The following CSF1R variants were observed in gnomAD, a reference collection of about 807,000 sequenced individuals.
The protein encoded by CSF1R is colony stimulating factor 1 receptor.
Under a neutral mutation model 110.0 loss-of-function variants are expected in CSF1R, and 40 were observed. The observed-to-expected ratio is 0.36, with a 90% confidence interval of 0.28 to 0.47. The LOEUF (loss-of-function observed/expected upper bound fraction) is 0.47. Ranked by LOEUF, CSF1R falls within the 20% of genes least tolerant of loss-of-function variation. The probability of loss-of-function intolerance (pLI) is 0.99; values close to 1 mark genes in which losing one functional copy is unlikely to be tolerated. For synonymous variants in CSF1R, 523 were observed against 503.4 expected, an observed-to-expected ratio of 1.04 and a Z score of -0.52; for missense variants, 1,052 against 1,253.0, an observed-to-expected ratio of 0.84 and a Z score of 2.42.
intron 3 of CSF1R, 131 bp downstream of exon 3, chr5:150,079,921 G>T: frequency 1.8e-6 from 2 of 1,118,934 alleles, no homozygotes; most frequent in Admixed American, 2.4e-5. Flanking sequence ...AACCATTGAG[G>T]GGAAGAAGTG....
chr5:150,097,268 A>G (rs370185524), intron 1 of CSF1R, among the ~76,000 whole-genome samples: 1 of 143,042 alleles, frequency 7.0e-6, no homozygotes, highest in African/African-American at 2.7e-5. Flanking sequence ...AGAAAGGGAA[A>G]GAAGGAAGGA....
In CSF1R at chr5:150,053,842, G is replaced by T. The variant is rs1757043788; in HGVS notation, c.*227C>A. Reference sequence around the variant, plus strand: ...CCATGAGAACAGTAGGGGAGGGGGGGGTGAGGGCTCAGCCCCCAGCCCCTG... The same window carrying T: ...CCATGAGAACAGTAGGGGAGGGGGGTGTGAGGGCTCAGCCCCCAGCCCCTG... On this transcript the variant is annotated 3_prime_UTR_variant, in exon 21 of 21. Transcript: ENST00000675795. The T allele has an allele frequency of 3.4e-6, 2 of 591,478 alleles. No individual in the cohort carries two copies. The highest frequency in any genetic ancestry group is 6.0e-6 in the Non-Finnish European group (2 of 331,356). The allele number at this position is 591,478 out of a possible 1,614,324, so 36.6% of individuals were successfully genotyped here.
At chr5:150,070,626 C>G in intron 6 of CSF1R, 55 bp from the exon 7 acceptor site, 1 of 1,252,198 alleles carries the variant, frequency 8.0e-7, no homozygotes, top group Admixed American at 3.1e-5. Context: ...TGGCCCCTGC[C>G]AGGATTGCAG....
chr5:150,076,352 AT>A (rs1446701567), intron 5 of CSF1R, among the ~76,000 whole-genome samples: 81 of 147,744 alleles, frequency 5.5e-4, no homozygotes, highest in African/African-American at 2.1e-3. Flanking sequence ...CTATCTATCT[AT>A]CTATCTATCT....
Position 150,080,221 on chromosome 5 carries a change from C to T in CSF1R, c.423G>A (p.Val141=). The T allele has an allele frequency of 2.5e-6, 4 of 1,613,888 alleles. No individual in the cohort carries two copies. Among genetic ancestry groups the T allele is most frequent in the Non-Finnish European group, 3.4e-6 (4 of 1,180,044 alleles). ...DPVLEAGVSL[V]RVRGRPLMRH... is the part of the protein sequence containing the mutation. ...GCATGAGGGGCCGGCCACGCACACG[C>T]ACCAGCGAGACGCCTGCTTCCAGCA... The change falls in exon 3 of 21, where the codon GTG becomes GTA. Residue 141 remains valine (V), a synonymous_variant. Transcript: ENST00000675795.
chr5:150,059,940 G>A, intron 13 of CSF1R, 78 bp from the exon 14 acceptor site: 1 of 1,501,820 alleles, frequency 6.7e-7, no homozygotes, highest in Non-Finnish European at 9.0e-7. Flanking sequence ...ACTGGGGGCA[G>A]TGAGGCCACT....
At chr5:150,073,237 A>T in intron 6 of CSF1R, 64 bp downstream of exon 6, 1 of 1,521,202 alleles carries the variant, frequency 6.6e-7, no homozygotes, top group Non-Finnish European at 9.0e-7. Context: ...AAGCGTCCTG[A>T]TGCTTGCTGA....
At chr5:150,100,917 A>C (rs530021772) in intron 1 of CSF1R, among the ~76,000 whole-genome samples, 3 of 152,178 alleles carry the variant, frequency 2.0e-5, no homozygotes, top group Admixed American at 6.5e-5. Flanking sequence ...AATTATACGC[A>C]TGCTTGGTTA....
intron 1 of CSF1R, among the ~76,000 whole-genome samples, chr5:150,100,361 A>G (rs1299203852): frequency 2.4e-5 from 3 of 127,538 alleles, no homozygotes; most frequent in African/African-American, 9.1e-5. Flanking sequence ...ACAGTGGCCC[A>G]ATCTCGGCTC....
intron 10 of CSF1R, among the ~76,000 whole-genome samples, chr5:150,065,127 C>T (rs906423590): frequency 6.6e-6 from 1 of 152,200 alleles, no homozygotes; most frequent in African/African-American, 2.4e-5. Flanking sequence ...GCCCCAGGCC[C>T]ACCCCCTGAC....
intron 1 of CSF1R, among the ~76,000 whole-genome samples, chr5:150,109,414 G>A (rs1759653446): frequency 6.6e-6 from 1 of 152,204 alleles, no homozygotes; most frequent in Non-Finnish European, 1.5e-5. Context: ...CTGTCTAGAT[G>A]TGGGATGATG....
At position 150,061,081 on chromosome 5, in the gene CSF1R, C is replaced by T. The variant is rs170037; in HGVS notation, c.1859-109G>A. 397,696 of 730,412 alleles carry T rather than the reference C, an allele frequency of 0.54. 113,100 individuals are homozygous for T. The highest frequency in any genetic ancestry group is 0.59 in the Non-Finnish European group (257,686 of 434,110). 45.2% of individuals were successfully genotyped at this position (730,412 alleles called of 1,614,324 possible). A position where few individuals can be genotyped will look rare whatever the true frequency, so the allele number is the denominator to read the frequency against. On this transcript the variant is annotated intron_variant, in intron 12 of 20. Coordinates refer to ENST00000675795, the MANE Select transcript of CSF1R (RefSeq NM_001288705.3). Reference sequence around the variant, plus strand: ...GACCCAGGGGAGAAAGCAGGGCATACCCCAAGACCCGGAGTGACCAGAAGC... The same window carrying T: ...GACCCAGGGGAGAAAGCAGGGCATATCCCAAGACCCGGAGTGACCAGAAGC...
intron 9 of CSF1R, among the ~76,000 whole-genome samples, chr5:150,068,771 C>G (rs185937610): frequency 5.3e-5 from 8 of 152,226 alleles, no homozygotes; most frequent in African/African-American, 1.9e-4. Context: ...TCTCCACATG[C>G]CTTTGGAATC....
chr5:150,103,769 C>T (rs552852333), intron 1 of CSF1R, among the ~76,000 whole-genome samples: 1 of 152,172 alleles, frequency 6.6e-6, no homozygotes, highest in Non-Finnish European at 1.5e-5. Flanking sequence ...AAAATCAGGA[C>T]TCTCTGGGGC....
chr5:150,070,228 G>A lies in CSF1R; in HGVS notation c.1273C>T (p.Pro425Ser). 2 of 1,614,124 alleles carry A rather than the reference G, an allele frequency of 1.2e-6. No individual in the cohort carries two copies. Among genetic ancestry groups the A allele is most frequent in the Non-Finnish European group, 1.7e-6 (2 of 1,180,008 alleles). Residue 425 changes from proline (P) to serine (S), a missense_variant, in exon 8 of 21, where the codon CCC becomes TCC. Physicochemically the swap from Pro to Ser is moderately conservative, Grantham distance 74. Transcript: ENST00000675795. ...TGCAGCCATGTCACGTTGGGCTGGG[G>A]GTACCCAGAGGCAGCACACAAAAGG... ...GTLLCAASGY[P>S]QPNVTWLQCS...
At position 150,080,068 on chromosome 5, in the gene CSF1R, C is replaced by T. The variant is rs766051265; in HGVS notation, c.576G>A (p.Arg192=). The T allele has an allele frequency of 3.1e-6, 5 of 1,613,726 alleles. No individual in the cohort carries two copies. ...CCCACGCACCTTTCTGCACTTTCAG[C>T]CGGATGCTGATGGACATCACCTTCC... ...GGRKVMSISI[R]LKVQKVIPGP... is the part of the protein sequence containing the mutation. Residue 192 remains arginine, a synonymous_variant, in exon 3 of 21, where the codon CGG becomes CGA. Coordinates refer to ENST00000675795, the MANE Select transcript of CSF1R (RefSeq NM_001288705.3).
chr5:150,055,157 A>G (rs1470456216), intron 19 of CSF1R, 80 bp downstream of exon 19: 2 of 1,284,564 alleles, frequency 1.6e-6, no homozygotes, highest in Non-Finnish European at 2.3e-6. Context: ...ACAGGGAAAG[A>G]TCAGGGCCAC....
rs146145627 is a variant in CSF1R at position 150,080,837 on chromosome 5, C to G, written c.237G>C (p.Thr79=). ...LSTNNATFQN[T]GTYRCTEPGD... Reference sequence around the variant, plus strand: ...CAGGCTCAGTGCAGCGATAGGTCCCCGTGTTTTGGAAGGTAGCGTTGTTGG... The same window carrying G: ...CAGGCTCAGTGCAGCGATAGGTCCCGGTGTTTTGGAAGGTAGCGTTGTTGG... The change falls in exon 2 of 21, where the codon ACG becomes ACC. Residue 79 remains threonine (T), a synonymous_variant. Transcript: ENST00000675795. 6.2e-7 allele frequency: 1 copy of G among 1,614,124 alleles called. No homozygotes were observed. The highest frequency in any genetic ancestry group is 8.5e-7 in the Non-Finnish European group (1 of 1,180,020).
chr5:150,069,779 G>C, intron 9 of CSF1R, 94 bp downstream of exon 9: 1 of 1,246,084 alleles, frequency 8.0e-7, no homozygotes, highest in South Asian at 1.5e-5. Context: ...GCCAACCCCA[G>C]CTCCCTCGGT....
Sources: gnomAD v4.1 joint callset for allele counts (sites outside exome capture counted in the v4.1 genomes callset) on GRCh38, gnomAD v4.1.1 for gene constraint, MANE v1.5 for transcripts, NCBI Gene and HGNC (gene_info 2026-07-23, HGNC 2026-07-21) for gene names.